Variants in ADAMTS17 observed in about 807,000 individuals in gnomAD.
The protein encoded by ADAMTS17 is A disintegrin and metalloproteinase with thrombospondin motifs 17.
ADAMTS17 carries 113 observed loss-of-function variants against 141.5 expected under a neutral mutation model. That is an observed-to-expected ratio of 0.80 (90% CI 0.69 to 0.93). ADAMTS17 has a LOEUF of 0.93. Ranked by LOEUF, ADAMTS17 falls within the 40% of genes least tolerant of loss-of-function variation. The pLI is 0.00. For synonymous variants in ADAMTS17, 768 were observed against 630.6 expected (o/e 1.22, Z -3.27); for missense variants, 1,659 against 1,517.9 (o/e 1.09, Z -1.54).
At chr15:100,170,497 C>T (rs2040119787) in intron 8 of ADAMTS17, among the ~76,000 whole-genome samples, 2 of 152,204 alleles carry the variant, frequency 1.3e-5, no homozygotes, top group Non-Finnish European at 2.9e-5. Context: ...TTGCATAATC[C>T]AGCCACAGAA....
intron 3 of ADAMTS17, among the ~76,000 whole-genome samples, chr15:100,285,151 C>G (rs1456888869): frequency 6.6e-6 from 1 of 152,226 alleles, no homozygotes; most frequent in African/African-American, 2.4e-5. Flanking sequence ...TTTCTTACAT[C>G]TCTTTCCCTT....
At chr15:100,281,574 G>T (rs190060175) in intron 3 of ADAMTS17, among the ~76,000 whole-genome samples, 173 bp from the exon 4 acceptor site, 1 of 152,198 alleles carries the variant, frequency 6.6e-6, no homozygotes, top group South Asian at 2.1e-4. Context: ...GTTCACTCAC[G>T]TAGGGGGGTG....
chr15:100,260,924 T>C (rs570243980), intron 6 of ADAMTS17, among the ~76,000 whole-genome samples: 3 of 152,192 alleles, frequency 2.0e-5, no homozygotes, highest in Non-Finnish European at 4.4e-5. Flanking sequence ...GGTATGAACA[T>C]GTAACACATT....
chr15:100,189,628 C>T (rs1481303090), intron 8 of ADAMTS17, among the ~76,000 whole-genome samples: 2 of 152,212 alleles, frequency 1.3e-5, no homozygotes, highest in East Asian at 1.9e-4. Context: ...GACCAGAAAC[C>T]AACCCATGCA....
intron 7 of ADAMTS17, among the ~76,000 whole-genome samples, chr15:100,228,193 T>C (rs968392340): frequency 2.6e-5 from 4 of 152,198 alleles, no homozygotes; most frequent in African/African-American, 7.2e-5. Flanking sequence ...CATGGCTGAC[T>C]CCTTCTCACA....
intron 3 of ADAMTS17, among the ~76,000 whole-genome samples, chr15:100,312,701 T>A (rs181258289): frequency 1.3e-5 from 2 of 152,326 alleles, no homozygotes; most frequent in East Asian, 3.9e-4. Context: ...CAGGGTGGAC[T>A]TTCTGGAGAA....
intron 3 of ADAMTS17, 43 bp from the exon 4 acceptor site, chr15:100,281,444 A>T: frequency 6.3e-7 from 1 of 1,585,626 alleles, no homozygotes; most frequent in Non-Finnish European, 8.6e-7. Flanking sequence ...TGGCTTACTG[A>T]CTTCCAAAAC....
At chr15:100,205,932 G>A (rs1209988913) in intron 7 of ADAMTS17, among the ~76,000 whole-genome samples, 1 of 152,180 alleles carries the variant, frequency 6.6e-6, no homozygotes, top group Non-Finnish European at 1.5e-5. Flanking sequence ...CCCCTCCAGA[G>A]GGCAAACAAG....
rs147655397 is a variant in ADAMTS17 at position 100,074,165 on chromosome 15, A to C, written c.2138-20111T>G. ...CTTCTGAGATCAGACAAGATCAGAC[A>C]CATTTGGGGCGGTGCGGCCGTAGTC... On this transcript the variant is annotated intron_variant, in intron 15 of 21. Transcript: ENST00000268070. 2.1e-3 allele frequency: 323 copies of C among 153,208 alleles called. 1 individual carries two copies. Among genetic ancestry groups the C allele is most frequent in the African/African-American group, 7.4e-3 (308 of 41,566 alleles). The allele number at this position is 153,208 out of a possible 1,614,324, so 9.5% of individuals were successfully genotyped here.
intron 3 of ADAMTS17, among the ~76,000 whole-genome samples, chr15:100,329,419 C>T (rs73485962): frequency 0.091 from 13,743 of 151,804 alleles, 706 homozygotes; most frequent in Non-Finnish European, 0.11. Context: ...CCTGTGGTCC[C>T]AGCTACTCAG....
At chr15:100,201,970 G>A (rs918981922) in intron 7 of ADAMTS17, among the ~76,000 whole-genome samples, 1 of 152,208 alleles carries the variant, frequency 6.6e-6, no homozygotes, top group Non-Finnish European at 1.5e-5. Context: ...AGCAGTGCCC[G>A]CCCAGCCCTG....
intron 3 of ADAMTS17, among the ~76,000 whole-genome samples, chr15:100,325,909 T>C (rs1596529493): frequency 6.6e-6 from 1 of 152,190 alleles, no homozygotes. Flanking sequence ...CCTTTCCTCA[T>C]AGCCTCAGAA....
Position 99,972,222 on chromosome 15 carries a change from G to C in ADAMTS17, c.*2180C>G, listed in dbSNP as rs2060225057. The C allele has an allele frequency of 6.6e-6, 1 of 152,216 alleles. No individual in the cohort carries two copies. Among genetic ancestry groups the C allele is most frequent in the Non-Finnish European group, 1.5e-5 (1 of 68,100 alleles). 9.4% of individuals were successfully genotyped at this position (152,216 alleles called of 1,614,324 possible). On this transcript the variant is annotated 3_prime_UTR_variant, in exon 22 of 22. Transcript: ENST00000268070. ...GCTGAGATCGCGCCACTGCACTCCA[G>C]CCTGGGCAACAGAGGGAGACTCTGT...
At chr15:100,141,224 A>C (rs1480669564) in intron 10 of ADAMTS17, among the ~76,000 whole-genome samples, 1 of 152,160 alleles carries the variant, frequency 6.6e-6, no homozygotes, top group East Asian at 1.9e-4. Flanking sequence ...GCATCCCTGG[A>C]GCGCTGTGAA....
In ADAMTS17 at chr15:99,999,139, G is replaced by A. The variant is rs368609751; in HGVS notation, c.2592-1550C>T. On this transcript the variant is annotated intron_variant, in intron 18 of 21. Transcript: ENST00000268070. ...TGCAGATTTATCGAGGGCCTCCCAC[G>A]TGCCAGGCACCTTCTAGGTTCTGAT... 1.7e-3 allele frequency among the ~76,000 whole-genome samples: 256 copies of A among 152,252 alleles called. No homozygotes were observed. The Middle Eastern group carries it at 0.017, about 10-fold the overall frequency.
At chr15:100,101,899 G>A (rs918091419) in intron 14 of ADAMTS17, among the ~76,000 whole-genome samples, 7 of 152,324 alleles carry the variant, frequency 4.6e-5, no homozygotes, top group Non-Finnish European at 1.0e-4. Flanking sequence ...TTTTAAGCGA[G>A]TGCAGATTTT....
At chr15:100,271,659 T>C (rs928807592) in intron 4 of ADAMTS17, among the ~76,000 whole-genome samples, 1 of 152,150 alleles carries the variant, frequency 6.6e-6, no homozygotes, top group South Asian at 2.1e-4. Flanking sequence ...GATTTGCAAG[T>C]ATTTCCTCCT....
chr15:100,326,206 T>C (rs1320440405), intron 3 of ADAMTS17, among the ~76,000 whole-genome samples: 2 of 152,166 alleles, frequency 1.3e-5, no homozygotes, highest in African/African-American at 4.8e-5. Context: ...TATATGCAAA[T>C]AAATGTTTAA....
chr15:99,990,494 T>C (rs1277939560), intron 20 of ADAMTS17, among the ~76,000 whole-genome samples: 1 of 152,224 alleles, frequency 6.6e-6, no homozygotes, highest in East Asian at 1.9e-4. Flanking sequence ...TCAGTTCTAT[T>C]GCCTTGGTCA....
Sources: gnomAD v4.1 joint callset for allele counts (sites outside exome capture counted in the v4.1 genomes callset) on GRCh38, gnomAD v4.1.1 for gene constraint, MANE v1.5 for transcripts, NCBI Gene and HGNC (gene_info 2026-07-23, HGNC 2026-07-21) for gene names.